The following MMD variants were observed in gnomAD, a reference collection of about 807,000 sequenced individuals.
MMD encodes the protein monocyte to macrophage differentiation associated.
MMD carries 22 observed loss-of-function variants against 33.6 expected under a neutral mutation model. The observed-to-expected ratio is 0.66, with a 90% CI of 0.47 to 0.94. The LOEUF is 0.94. Ranked by LOEUF, MMD falls within the 40% of genes least tolerant of loss-of-function variation. The pLI, the probability that MMD is intolerant of heterozygous loss-of-function variation, is 0.00. For synonymous variants in MMD, 97 were observed against 103.2 expected (o/e 0.94, Z 0.36); for missense variants, 242 against 309.8 (o/e 0.78, Z 1.64).
rs755956591 is a variant in MMD, at chr17:55,421,745, G to T, written c.-50C>A. On this transcript the variant is annotated 5_prime_UTR_variant, in exon 1 of 7. Transcript: ENST00000262065. ...CCAGGAGCTCCGTCTCGTCAGCACC[G>T]GCGGCCGGGCGCGCGGCCCTCATGG... The T allele has an allele frequency of 6.4e-7, 1 of 1,559,824 alleles. No individual in the cohort carries two copies. The highest frequency in any genetic ancestry group is 8.6e-7 in the Non-Finnish European group (1 of 1,157,180).
rs575677854 is a variant in MMD, at chr17:55,407,613, A to G, written c.344+133T>C. On this transcript the variant is annotated intron_variant, in intron 4 of 6. Coordinates refer to ENST00000262065, the MANE Select transcript of MMD (RefSeq NM_012329.3). Reference sequence around the variant, plus strand: ...AATGGGGAAAAAAATGCATGCATGTATGTGTTCAGGAGGAGGGAAGGTGGT... The same window carrying G: ...AATGGGGAAAAAAATGCATGCATGTGTGTGTTCAGGAGGAGGGAAGGTGGT... 3.3e-4 allele frequency: 233 copies of G among 709,674 alleles called. 1 individual carries two copies. In the African/African-American group the frequency reaches 4.1e-3, roughly 12 times the overall value. 44.0% of individuals were successfully genotyped at this position (709,674 alleles called of 1,614,324 possible).
chr17:55,401,856 G>A (rs1223224957), intron 5 of MMD, among the ~76,000 whole-genome samples: 2 of 152,116 alleles, frequency 1.3e-5, no homozygotes, highest in African/African-American at 2.4e-5. Context: ...GGCGGATCAC[G>A]AGGTCAGGAG....
At chr17:55,404,531 A>G (rs1907469680) in intron 4 of MMD, 8 of 985,264 alleles carry the variant, frequency 8.1e-6, no homozygotes, top group Non-Finnish European at 9.6e-6. Context: ...TTACTTACAA[A>G]CCTTAATGAG....
At chr17:55,417,297 T>C (rs1159981797) in intron 1 of MMD, among the ~76,000 whole-genome samples, 6 of 152,130 alleles carry the variant, frequency 3.9e-5, no homozygotes, top group African/African-American at 1.2e-4. Context: ...CTGGCCAACA[T>C]AGAGAAACTC....
At chr17:55,421,294 G>A (rs1908175834) in intron 1 of MMD, among the ~76,000 whole-genome samples, 1 of 152,260 alleles carries the variant, frequency 6.6e-6, no homozygotes, top group Non-Finnish European at 1.5e-5. Context: ...AGGACTCGGG[G>A]GCGGTGCCCG....
chr17:55,411,208 G>T (rs199612409), intron 3 of MMD, 49 bp downstream of exon 3: 10 of 1,569,334 alleles, frequency 6.4e-6, no homozygotes, highest in Non-Finnish European at 8.7e-6. Flanking sequence ...TACCAAACAC[G>T]TTGAGTCAAC....
intron 2 of MMD, among the ~76,000 whole-genome samples, chr17:55,411,906 G>A (rs999277185): frequency 1.2e-4 from 18 of 152,208 alleles, no homozygotes; most frequent in Non-Finnish European, 2.1e-4. Flanking sequence ...GCAAGACTCT[G>A]TATCTACAAA....
chr17:55,414,287 T>C, intron 1 of MMD, 55 bp from the exon 2 acceptor site: 1 of 1,529,864 alleles, frequency 6.5e-7, no homozygotes, highest in Non-Finnish European at 9.0e-7. Flanking sequence ...TGAAGAACAA[T>C]GAGGAAACCC....
chr17:55,412,364 G>A (rs576331439), intron 2 of MMD, among the ~76,000 whole-genome samples: 2 of 152,194 alleles, frequency 1.3e-5, no homozygotes, highest in African/African-American at 4.8e-5. Flanking sequence ...GTAAGCAAGA[G>A]CAAACCATTT....
intron 2 of MMD, among the ~76,000 whole-genome samples, chr17:55,413,549 TTATA>T (rs980502422): frequency 6.6e-6 from 1 of 152,188 alleles, no homozygotes; most frequent in African/African-American, 2.4e-5. Flanking sequence ...TTTGTTTTTC[TTATA>T]TATTTTTCAG....
At chr17:55,405,816 G>A (rs1907522057) in intron 4 of MMD, among the ~76,000 whole-genome samples, 1 of 152,166 alleles carries the variant, frequency 6.6e-6, no homozygotes, top group African/African-American at 2.4e-5. Context: ...AGAATCTAGA[G>A]GCATACTGTT....
At position 55,411,145 on chromosome 17, in the gene MMD, G is replaced by GA. The variant is rs570805882; in HGVS notation, c.269+111dup. On this transcript the variant is annotated intron_variant, in intron 3 of 6. Coordinates refer to ENST00000262065, the MANE Select transcript of MMD (RefSeq NM_012329.3). The stretch of plus-strand genomic sequence containing the variant: ...GGATAGTATTCTAGTCTACAAGGCA[G>GA]AAAAATGTCTACTCTTTGCCCTACT... 5.6e-3 allele frequency: 7,021 copies of GA among 1,257,408 alleles called. 44 individuals are homozygous for GA. Among genetic ancestry groups the GA allele is most frequent in the Middle Eastern group, 0.025 (95 of 3,774 alleles). 77.9% of individuals were successfully genotyped at this position (1,257,408 alleles called of 1,614,324 possible).
At chr17:55,397,245 T>C (rs1398926237) in intron 6 of MMD, among the ~76,000 whole-genome samples, 1 of 152,130 alleles carries the variant, frequency 6.6e-6, no homozygotes, top group East Asian at 1.9e-4. Context: ...CACTGTAACC[T>C]CTGCCTCCCG....
At chr17:55,399,336 A>G (rs1357313033) in intron 6 of MMD, among the ~76,000 whole-genome samples, 1 of 152,186 alleles carries the variant, frequency 6.6e-6, no homozygotes, top group Non-Finnish European at 1.5e-5. Flanking sequence ...GGCCAGAACC[A>G]AAGATTCGCA....
chr17:55,407,977 G>A (rs1262720227), intron 3 of MMD, among the ~76,000 whole-genome samples, 157 bp from the exon 4 acceptor site: 1 of 152,158 alleles, frequency 6.6e-6, no homozygotes, highest in Non-Finnish European at 1.5e-5. Flanking sequence ...TGCTGTTAAT[G>A]TTATGAAGTC....
intron 3 of MMD, among the ~76,000 whole-genome samples, chr17:55,408,292 A>T (rs1907634762): frequency 6.6e-6 from 1 of 152,200 alleles, no homozygotes; most frequent in South Asian, 2.1e-4. Flanking sequence ...TCTTTTTAGA[A>T]GGTATTTACA....
chr17:55,406,592 C>A (rs977498378), intron 4 of MMD, among the ~76,000 whole-genome samples: 7 of 150,598 alleles, frequency 4.6e-5, no homozygotes, highest in African/African-American at 1.7e-4. Flanking sequence ...AACAAACAAA[C>A]AAAAATGGCC....
At chr17:55,411,566 G>T in intron 2 of MMD, 149 bp from the exon 3 acceptor site, 1 of 1,031,730 alleles carries the variant, frequency 9.7e-7, no homozygotes, top group Non-Finnish European at 1.4e-6. Context: ...CATAACGAGA[G>T]CCAGATGAAG....
rs1021404808 is a variant in MMD at position 55,393,117 on chromosome 17, A to T, written c.*1217T>A. The T allele has an allele frequency of 6.6e-6, 1 of 152,196 alleles. No homozygotes were observed. The highest frequency in any genetic ancestry group is 1.5e-5 in the Non-Finnish European group (1 of 68,030). The allele number at this position is 152,196 out of a possible 1,614,324, so 9.4% of individuals were successfully genotyped here. On this transcript the variant is annotated 3_prime_UTR_variant, in exon 7 of 7. Transcript: ENST00000262065. ...ACAAAGCAACTATTAACAACATGTTAATCTTAATATAAGACACTGAGAGAA... is the reference window on the plus strand; with the variant it reads ...ACAAAGCAACTATTAACAACATGTTTATCTTAATATAAGACACTGAGAGAA...
Sources: allele counts gnomAD v4.1 joint callset (sites outside exome capture counted in the v4.1 genomes callset), GRCh38; gene constraint gnomAD v4.1.1; transcripts MANE v1.5; gene names NCBI Gene and HGNC (gene_info 2026-07-23, HGNC 2026-07-21).